DPYD: variants seen among roughly 807,000 people sequenced by gnomAD.
The protein encoded by DPYD is dihydropyrimidine dehydrogenase.
DPYD carries 109 observed loss-of-function variants against 116.2 expected under a neutral mutation model. The ratio of observed to expected loss-of-function variants is 0.94; its 90% confidence interval spans 0.80 to 1.10. The LOEUF is 1.10. Ranked by LOEUF, DPYD falls within the 50% of genes least tolerant of loss-of-function variation. The pLI, the probability that DPYD is intolerant of heterozygous loss-of-function variation, is 0.00. For synonymous variants in DPYD, 440 were observed against 432.0 expected, an observed-to-expected ratio of 1.02 and a Z score of -0.23; for missense variants, 1,302 against 1,254.5, an observed-to-expected ratio of 1.04 and a Z score of -0.57.
At chr1:97,346,274 A>G (rs762986770) in intron 16 of DPYD, among the ~76,000 whole-genome samples, 15 of 151,796 alleles carry the variant, frequency 9.9e-5, no homozygotes, top group Non-Finnish European at 1.9e-4. Context: ...CTCTTCTACC[A>G]TAAATGGGCA....
chr1:97,896,234 T>C (rs980025523), intron 1 of DPYD, among the ~76,000 whole-genome samples: 2 of 151,792 alleles, frequency 1.3e-5, no homozygotes, highest in African/African-American at 4.8e-5. Context: ...GTTAGTCTCT[T>C]ATATAAAGCT....
chr1:97,621,432 G>A (rs1042241915), intron 8 of DPYD, among the ~76,000 whole-genome samples: 2 of 147,902 alleles, frequency 1.4e-5, no homozygotes, highest in Non-Finnish European at 3.1e-5. Context: ...ATATACACAT[G>A]TTTCATTTAA....
intron 13 of DPYD, among the ~76,000 whole-genome samples, chr1:97,453,157 C>G (rs1676509772): frequency 6.6e-6 from 1 of 152,100 alleles, no homozygotes; most frequent in African/African-American, 2.4e-5. Flanking sequence ...GACTCCCTGA[C>G]AGAAAGCATG....
chr1:97,318,827 G>T lies in DPYD; in HGVS notation c.2059-12530C>A, dbSNP rs1447985311. On this transcript the variant is annotated intron_variant, in intron 16 of 22. Transcript: ENST00000370192. Reference sequence around the variant, plus strand: ...CTATTCCAAAATTGACCACATAGTTGGAAGTAAAGCACTCCTCAGCAAATG... The same window carrying T: ...CTATTCCAAAATTGACCACATAGTTTGAAGTAAAGCACTCCTCAGCAAATG... 5.3e-5 allele frequency among the ~76,000 whole-genome samples: 8 copies of T among 150,104 alleles called. No individual in the cohort carries two copies. In the East Asian group the frequency reaches 1.6e-3, roughly 30 times the overall value.
intron 16 of DPYD, among the ~76,000 whole-genome samples, chr1:97,349,533 T>A (rs1005144935): frequency 1.3e-5 from 2 of 152,058 alleles, no homozygotes; most frequent in African/African-American, 4.8e-5. Flanking sequence ...TGTGTGATGT[T>A]CCCCTTCCTG....
intron 18 of DPYD, among the ~76,000 whole-genome samples, chr1:97,272,873 G>A (rs1664686476): frequency 6.6e-6 from 1 of 152,004 alleles, no homozygotes; most frequent in Admixed American, 6.6e-5. Context: ...AGTAGGATGT[G>A]GCCTATCACT....
intron 14 of DPYD, among the ~76,000 whole-genome samples, chr1:97,426,435 G>A (rs1674870081): frequency 6.6e-6 from 1 of 152,068 alleles, no homozygotes; most frequent in African/African-American, 2.4e-5. Context: ...TGGGGGTAAG[G>A]AGGAAGAAGA....
chr1:97,513,624 T>C (rs1312292603), intron 13 of DPYD, among the ~76,000 whole-genome samples: 1 of 151,868 alleles, frequency 6.6e-6, no homozygotes, highest in Non-Finnish European at 1.5e-5. Flanking sequence ...CTAATCTAAA[T>C]TGGTATACTA....
chr1:97,133,157 TA>T (rs1653464992), intron 20 of DPYD, among the ~76,000 whole-genome samples: 1 of 152,076 alleles, frequency 6.6e-6, no homozygotes, highest in Non-Finnish European at 1.5e-5. Context: ...CTTAGCCTTT[TA>T]TAAAATAAAA....
Position 97,545,800 on chromosome 1 carries a change from G to A in DPYD, c.1524+3760C>T, listed in dbSNP as rs751534681. 2.2e-4 allele frequency: 339 copies of A among 1,526,996 alleles called. No homozygotes were observed. The Middle Eastern group carries it at 3.4e-3, about 15-fold the overall frequency. The allele number at this position is 1,526,996 out of a possible 1,614,324, so 94.6% of individuals were successfully genotyped here. On this transcript the variant is annotated intron_variant, in intron 12 of 22. Coordinates refer to ENST00000370192, the MANE Select transcript of DPYD (RefSeq NM_000110.4). Reference sequence around the variant, plus strand: ...CTGCATGAAGCTTTCTCAGATGGCCGTTCAGGGACTTCAGCAATTTAAGTC... The same window carrying A: ...CTGCATGAAGCTTTCTCAGATGGCCATTCAGGGACTTCAGCAATTTAAGTC...
chr1:97,278,921 A>T (rs628816), intron 18 of DPYD, among the ~76,000 whole-genome samples: 5,421 of 150,966 alleles, frequency 0.036, 334 homozygotes, highest in African/African-American at 0.12. Context: ...TTTCGTAAAA[A>T]TTTTTTTTTT....
chr1:97,089,016 G>A (rs1446360643), intron 21 of DPYD, among the ~76,000 whole-genome samples: 2 of 152,054 alleles, frequency 1.3e-5, no homozygotes, highest in Non-Finnish European at 2.9e-5. Context: ...TTTTATCTGA[G>A]TACTCTTCTC....
At chr1:97,773,156 T>A (rs1211750382) in intron 3 of DPYD, among the ~76,000 whole-genome samples, 1 of 152,178 alleles carries the variant, frequency 6.6e-6, no homozygotes, top group African/African-American at 2.4e-5. Flanking sequence ...TAATTTTCAA[T>A]AGGGTAACTT....
intron 12 of DPYD, among the ~76,000 whole-genome samples, chr1:97,516,495 C>A (rs1648246945): frequency 6.6e-6 from 1 of 151,962 alleles, no homozygotes; most frequent in Non-Finnish European, 1.5e-5. Context: ...TCATAAGCTG[C>A]AGGGAGACAT....
intron 16 of DPYD, 150 bp from the exon 17 acceptor site, chr1:97,306,447 T>G (rs1280755766): frequency 9.8e-7 from 1 of 1,016,872 alleles, no homozygotes; most frequent in Non-Finnish European, 1.5e-6. Context: ...TCCTCAGTAT[T>G]ACACCTAGAC....
chr1:97,580,537 T>C (rs1653572512), intron 10 of DPYD, among the ~76,000 whole-genome samples: 1 of 152,202 alleles, frequency 6.6e-6, no homozygotes, highest in African/African-American at 2.4e-5. Flanking sequence ...AAAAATCTCA[T>C]AGAAGCAGAA....
intron 14 of DPYD, among the ~76,000 whole-genome samples, chr1:97,433,620 C>T (rs1323206211): frequency 6.6e-6 from 1 of 152,084 alleles, no homozygotes; most frequent in South Asian, 2.1e-4. Flanking sequence ...TACATCCTTA[C>T]TAGAAGCAGA....
At chr1:97,532,832 T>C (rs1570914087) in intron 12 of DPYD, among the ~76,000 whole-genome samples, 1 of 152,010 alleles carries the variant, frequency 6.6e-6, no homozygotes, top group Non-Finnish European at 1.5e-5. Flanking sequence ...TTTGTTCTAT[T>C]GTATTTTTAT....
intron 3 of DPYD, among the ~76,000 whole-genome samples, chr1:97,777,149 C>T (rs1390758066): frequency 2.6e-5 from 4 of 152,102 alleles, no homozygotes; most frequent in Non-Finnish European, 2.9e-5. Context: ...TACTACCTAA[C>T]ACCTAGTTGT....
Sources: gnomAD v4.1 joint callset for allele counts (sites outside exome capture counted in the v4.1 genomes callset) on GRCh38, gnomAD v4.1.1 for gene constraint, MANE v1.5 for transcripts, NCBI Gene and HGNC (gene_info 2026-07-23, HGNC 2026-07-21) for gene names.